The following OSBPL10 variants were observed in gnomAD, a reference collection of about 807,000 sequenced individuals.
The protein encoded by OSBPL10 is oxysterol binding protein like 10, also known as oxysterol-binding protein-related protein 10.
In OSBPL10, 49 loss-of-function variants were observed where a neutral mutation model predicts 81.7. That is an observed-to-expected ratio of 0.60 (90% CI 0.48 to 0.76). The LOEUF (loss-of-function observed/expected upper bound fraction) is 0.76, where lower values mean the gene tolerates loss of function less well. Among genes scored for constraint, OSBPL10 ranks in the 30% least tolerant of loss-of-function variants. The pLI, the probability that OSBPL10 is intolerant of heterozygous loss-of-function variation, is 0.00. For missense variants in OSBPL10, 923 were observed against 987.8 expected (o/e 0.93, Z 0.88); for synonymous variants, 419 against 383.6 (o/e 1.09, Z -1.08).
intron 4 of OSBPL10, among the ~76,000 whole-genome samples, chr3:31,771,927 G>C (rs776716975): frequency 1.7e-4 from 26 of 152,094 alleles, no homozygotes; most frequent in Non-Finnish European, 2.8e-4. Flanking sequence ...TTTGGTCCGG[G>C]AACACTATGT....
intron 4 of OSBPL10, among the ~76,000 whole-genome samples, chr3:31,770,228 T>C (rs1418810842): frequency 6.6e-6 from 1 of 152,212 alleles, no homozygotes; most frequent in Non-Finnish European, 1.5e-5. Context: ...AATTTTAAAA[T>C]GCCTATTTTT....
At chr3:31,759,446 C>A (rs1265520544) in intron 4 of OSBPL10, among the ~76,000 whole-genome samples, 1 of 152,020 alleles carries the variant, frequency 6.6e-6, no homozygotes, top group African/African-American at 2.4e-5. Context: ...TTAAAAATCT[C>A]TTTTTAATAC....
At chr3:31,837,384 C>T (rs1177850896) in intron 3 of OSBPL10, among the ~76,000 whole-genome samples, 2 of 102,372 alleles carry the variant, frequency 2.0e-5, no homozygotes, top group African/African-American at 7.1e-5. Flanking sequence ...TAGTAAGTAA[C>T]ATAACACAGA....
chr3:31,904,018 G>A (rs943508080), intron 1 of OSBPL10, among the ~76,000 whole-genome samples: 3 of 152,096 alleles, frequency 2.0e-5, no homozygotes, highest in Non-Finnish European at 4.4e-5. Context: ...AAGGAGAGAA[G>A]ATGAATGGGG....
intron 1 of OSBPL10, among the ~76,000 whole-genome samples, chr3:31,978,167 T>C (rs981353220): frequency 1.3e-5 from 2 of 152,196 alleles, no homozygotes; most frequent in Non-Finnish European, 2.9e-5. Context: ...TGAAGAGCAC[T>C]ACAATTGCAC....
At chr3:31,861,615 T>C (rs944577547) in intron 3 of OSBPL10, among the ~76,000 whole-genome samples, 7 of 152,194 alleles carry the variant, frequency 4.6e-5, no homozygotes, top group African/African-American at 7.2e-5. Context: ...ATTAATACCA[T>C]TAATATTATT....
chr3:31,916,593 C>T (rs553340054), intron 1 of OSBPL10, among the ~76,000 whole-genome samples: 1 of 152,294 alleles, frequency 6.6e-6, no homozygotes, highest in Admixed American at 6.5e-5. Flanking sequence ...TTTCCACAGT[C>T]CATGGCTCAC....
chr3:31,891,418 C>T (rs1286998392), intron 1 of OSBPL10, among the ~76,000 whole-genome samples: 1 of 152,162 alleles, frequency 6.6e-6, no homozygotes, highest in Non-Finnish European at 1.5e-5. Context: ...TTTGTGACCT[C>T]GGGCAAGTTC....
At chr3:31,860,921 G>C (rs1294009166) in intron 3 of OSBPL10, among the ~76,000 whole-genome samples, 1 of 150,648 alleles carries the variant, frequency 6.6e-6, no homozygotes, top group Non-Finnish European at 1.5e-5. Context: ...ATGTTGGCCA[G>C]GCTGGTCTTA....
At chr3:31,856,189 G>A (rs959517045) in intron 3 of OSBPL10, among the ~76,000 whole-genome samples, 8 of 151,454 alleles carry the variant, frequency 5.3e-5, no homozygotes, top group African/African-American at 1.5e-4. Context: ...TTTCAGGCAA[G>A]GCGGGCAGCC....
chr3:31,953,733 T>C (rs1697933787), intron 1 of OSBPL10, among the ~76,000 whole-genome samples: 1 of 152,180 alleles, frequency 6.6e-6, no homozygotes, highest in African/African-American at 2.4e-5. Context: ...TTAACCCTTT[T>C]CCTTCTCCCT....
intron 1 of OSBPL10, among the ~76,000 whole-genome samples, chr3:32,060,973 CA>C (rs766388241): frequency 0.015 from 330 of 21,576 alleles, 36 homozygotes; most frequent in African/African-American, 0.024. Flanking sequence ...AACTCCGCCT[CA>C]AAAAAAAAAA....
At chr3:31,687,572 G>C (rs1276404278) in intron 7 of OSBPL10, among the ~76,000 whole-genome samples, 1 of 152,158 alleles carries the variant, frequency 6.6e-6, no homozygotes, top group East Asian at 1.9e-4. Flanking sequence ...CACTGCCCTG[G>C]TCCCACAGGT....
intron 4 of OSBPL10, among the ~76,000 whole-genome samples, chr3:31,771,059 T>C (rs1698366945): frequency 6.6e-6 from 1 of 152,178 alleles, no homozygotes; most frequent in Non-Finnish European, 1.5e-5. Context: ...TCTCATCACA[T>C]AGGCTTATCA....
At chr3:31,740,468 A>G (rs1444200330) in intron 5 of OSBPL10, among the ~76,000 whole-genome samples, 1 of 152,200 alleles carries the variant, frequency 6.6e-6, no homozygotes, top group Admixed American at 6.5e-5. Context: ...ATTAATAACA[A>G]TAGCCTACAT....
rs191559798 is a variant in OSBPL10, at chr3:31,958,362, C to T, written c.281+22537G>A. ...TAGTCCTTAAAAATATCTTCTCTGACAAATCTAGTTTGTATGTTTTAGGCC... is the reference window on the plus strand; with the variant it reads ...TAGTCCTTAAAAATATCTTCTCTGATAAATCTAGTTTGTATGTTTTAGGCC... On this transcript the variant is annotated intron_variant, in intron 1 of 11. Coordinates refer to ENST00000396556, the MANE Select transcript of OSBPL10 (RefSeq NM_017784.5). 7.4e-4 allele frequency among the ~76,000 whole-genome samples: 112 copies of T among 152,252 alleles called. 1 individual carries two copies. The highest frequency in any genetic ancestry group is 2.6e-3 in the African/African-American group (109 of 41,548).
intron 4 of OSBPL10, among the ~76,000 whole-genome samples, chr3:31,783,146 T>TATATACAC (rs1485968747): frequency 2.6e-4 from 29 of 113,002 alleles, no homozygotes; most frequent in African/African-American, 1.1e-3. Flanking sequence ...TATATATATA[T>TATATACAC]ACACACACAC....
At chr3:31,870,679 A>G (rs1278568245) in intron 3 of OSBPL10, among the ~76,000 whole-genome samples, 1 of 152,124 alleles carries the variant, frequency 6.6e-6, no homozygotes, top group Non-Finnish European at 1.5e-5. Context: ...AAACACACCA[A>G]TCAGCACCCT....
intron 8 of OSBPL10, among the ~76,000 whole-genome samples, chr3:31,681,659 A>G (rs775652851): frequency 3.3e-5 from 5 of 152,178 alleles, no homozygotes; most frequent in Non-Finnish European, 7.3e-5. Flanking sequence ...TTGCCTCGCA[A>G]GGAGCACCTT....
Sources: gnomAD v4.1 joint callset for allele counts (sites outside exome capture counted in the v4.1 genomes callset) on GRCh38, gnomAD v4.1.1 for gene constraint, MANE v1.5 for transcripts, NCBI Gene and HGNC (gene_info 2026-07-23, HGNC 2026-07-21) for gene names.